Variants in LRRIQ3 observed in about 807,000 individuals in gnomAD.
The protein encoded by LRRIQ3 is leucine rich repeats and IQ motif containing 3, also known as leucine-rich repeat and IQ domain-containing protein 3.
A neutral mutation model predicts 59.3 loss-of-function variants in LRRIQ3; 75 were observed. The observed-to-expected ratio is 1.26, with a 90% CI of 1.05 to 1.53. The LOEUF is 1.53. Ranked by LOEUF, LRRIQ3 falls within the 40% of genes most tolerant of loss-of-function variation. The pLI is 0.00. For synonymous variants in LRRIQ3, 250 were observed against 231.3 expected, an observed-to-expected ratio of 1.08 and a Z score of -0.73; for missense variants, 831 against 710.0, an observed-to-expected ratio of 1.17 and a Z score of -1.94.
At chr1:74,103,350 A>G (rs538402476) in intron 5 of LRRIQ3, among the ~76,000 whole-genome samples, 2 of 152,106 alleles carry the variant, frequency 1.3e-5, no homozygotes, top group East Asian at 3.9e-4. Flanking sequence ...AATATTCAGT[A>G]AATATCTATT....
At chr1:74,047,013 T>C (rs1654224514) in intron 6 of LRRIQ3, among the ~76,000 whole-genome samples, 1 of 152,148 alleles carries the variant, frequency 6.6e-6, no homozygotes, top group Non-Finnish European at 1.5e-5. Flanking sequence ...AAGTGTAAAT[T>C]AGTTCAACCA....
chr1:74,112,626 C>T (rs1009739453), intron 4 of LRRIQ3, among the ~76,000 whole-genome samples: 61 of 152,102 alleles, frequency 4.0e-4, no homozygotes, highest in African/African-American at 1.4e-3. Context: ...TAAAAAAGTT[C>T]AGACAGCCTA....
chr1:74,065,504 A>C (rs1284684808), intron 6 of LRRIQ3, among the ~76,000 whole-genome samples: 2 of 152,104 alleles, frequency 1.3e-5, no homozygotes, highest in Non-Finnish European at 2.9e-5. Flanking sequence ...ATAAAGCTGA[A>C]GTTATATCAG....
intron 7 of LRRIQ3, among the ~76,000 whole-genome samples, chr1:74,036,164 C>A (rs1246020123): frequency 2.0e-5 from 3 of 152,120 alleles, no homozygotes; most frequent in African/African-American, 7.2e-5. Flanking sequence ...AAATATGGCA[C>A]ATTGGCACAC....
chr1:74,102,639 G>T (rs1646552339), intron 5 of LRRIQ3, among the ~76,000 whole-genome samples: 2 of 151,892 alleles, frequency 1.3e-5, no homozygotes, highest in African/African-American at 4.8e-5. Flanking sequence ...CAAAAGAATT[G>T]ATATCAAGAT....
chr1:74,122,483 A>T (rs1646874354), intron 4 of LRRIQ3, among the ~76,000 whole-genome samples: 1 of 152,130 alleles, frequency 6.6e-6, no homozygotes, highest in Admixed American at 6.6e-5. Flanking sequence ...AAACAGAGAT[A>T]TAGACCAATG....
chr1:74,084,213 T>C, intron 5 of LRRIQ3: 2 of 1,546,460 alleles, frequency 1.3e-6, no homozygotes, highest in East Asian at 2.5e-5. Flanking sequence ...AATTTTTTTT[T>C]ATCCTGAAGA....
chr1:74,113,931 T>C (rs1646739084), intron 4 of LRRIQ3, among the ~76,000 whole-genome samples: 2 of 151,666 alleles, frequency 1.3e-5, no homozygotes, highest in South Asian at 4.1e-4. Flanking sequence ...TATATAAACA[T>C]ATATATATAA....
chr1:74,071,622 T>A (rs1043333080), intron 6 of LRRIQ3, among the ~76,000 whole-genome samples: 6 of 152,170 alleles, frequency 3.9e-5, no homozygotes, highest in African/African-American at 1.4e-4. Context: ...TACAGTTTCA[T>A]ACTGAGATAA....
intron 4 of LRRIQ3, among the ~76,000 whole-genome samples, chr1:74,114,360 T>C (rs1376715036): frequency 6.6e-6 from 1 of 152,074 alleles, no homozygotes; most frequent in Admixed American, 6.6e-5. Context: ...AAGGGAATAA[T>C]GCTATATAGA....
intron 6 of LRRIQ3, among the ~76,000 whole-genome samples, chr1:74,054,827 T>C (rs997452282): frequency 6.8e-6 from 1 of 147,612 alleles, no homozygotes; most frequent in Non-Finnish European, 1.5e-5. Context: ...TACATCCACA[T>C]TTTTAATGCA....
chr1:74,168,083 T>G (rs1478085592), intron 3 of LRRIQ3, among the ~76,000 whole-genome samples: 1 of 152,074 alleles, frequency 6.6e-6, no homozygotes, highest in African/African-American at 2.4e-5. Flanking sequence ...GTTCTATAAA[T>G]GTCAATTACA....
chr1:74,155,539 A>T (rs1648265754), intron 4 of LRRIQ3, 194 bp downstream of exon 4: 4 of 366,284 alleles, frequency 1.1e-5, no homozygotes, highest in Non-Finnish European at 1.9e-5. Flanking sequence ...AAAATAAAAT[A>T]TCAAATGTTG....
At chr1:74,162,656 A>G (rs1648729054) in intron 3 of LRRIQ3, among the ~76,000 whole-genome samples, 1 of 151,842 alleles carries the variant, frequency 6.6e-6, no homozygotes, top group African/African-American at 2.4e-5. Flanking sequence ...CAATTTCCCA[A>G]TTAATTTGAC....
intron 1 of LRRIQ3, among the ~76,000 whole-genome samples, chr1:74,197,455 G>C (rs1651260774): frequency 6.6e-6 from 1 of 152,088 alleles, no homozygotes. Flanking sequence ...GAAACCTCGT[G>C]TTCTATAACA....
intron 3 of LRRIQ3, among the ~76,000 whole-genome samples, chr1:74,174,635 C>T (rs1324722043): frequency 6.6e-6 from 1 of 151,270 alleles, no homozygotes; most frequent in Non-Finnish European, 1.5e-5. Flanking sequence ...CTTGGGTGAT[C>T]CACCTGCCTT....
intron 4 of LRRIQ3, among the ~76,000 whole-genome samples, chr1:74,135,999 G>C (rs1647116989): frequency 6.6e-6 from 1 of 151,796 alleles, no homozygotes; most frequent in African/African-American, 2.4e-5. Flanking sequence ...CTCTAGGTAA[G>C]CTAAGTAAAA....
chr1:74,096,170 G>C (rs1422204560), intron 5 of LRRIQ3, among the ~76,000 whole-genome samples: 1 of 151,996 alleles, frequency 6.6e-6, no homozygotes, highest in Non-Finnish European at 1.5e-5. Flanking sequence ...ATAACCCAGA[G>C]ATTTTCATAT....
intron 4 of LRRIQ3, among the ~76,000 whole-genome samples, chr1:74,119,501 G>A (rs1031331153): frequency 2.0e-5 from 3 of 151,792 alleles, no homozygotes; most frequent in Admixed American, 2.0e-4. Flanking sequence ...TCCATATATA[G>A]GTCACTTACA....
Sources: allele counts gnomAD v4.1 joint callset (sites outside exome capture counted in the v4.1 genomes callset), GRCh38; gene constraint gnomAD v4.1.1; transcripts MANE v1.5; gene names NCBI Gene and HGNC (gene_info 2026-07-23, HGNC 2026-07-21).